The following RYR2 variants were observed in gnomAD, a reference collection of about 807,000 sequenced individuals.
The protein encoded by RYR2 is cardiac muscle ryanodine receptor-calcium release channel.
Under a neutral mutation model 601.1 loss-of-function variants are expected in RYR2, and 227 were observed. The ratio of observed to expected loss-of-function variants is 0.38; its 90% CI spans 0.34 to 0.42. The LOEUF (loss-of-function observed/expected upper bound fraction) is 0.42. RYR2 is among the 10% of genes least tolerant of loss of function. The pLI, the probability that RYR2 is intolerant of heterozygous loss-of-function variation, is 1.00. For synonymous variants in RYR2, 2,223 were observed against 2,175.1 expected (o/e 1.02, Z -0.61); for missense variants, 4,646 against 6,156.5 (o/e 0.75, Z 8.21).
intron 17 of RYR2, among the ~76,000 whole-genome samples, chr1:237,475,469 T>C (rs1183635828): frequency 6.6e-6 from 1 of 152,158 alleles, no homozygotes; most frequent in Non-Finnish European, 1.5e-5. Flanking sequence ...TATATTTACA[T>C]TTTTAAATAC....
chr1:237,224,706 A>G (rs977094479), intron 1 of RYR2, among the ~76,000 whole-genome samples: 1 of 151,954 alleles, frequency 6.6e-6, no homozygotes, highest in African/African-American at 2.4e-5. Context: ...AAAACATTTT[A>G]AAAAAAAGTT....
At chr1:237,216,140 T>G (rs534621713) in intron 1 of RYR2, among the ~76,000 whole-genome samples, 1 of 152,208 alleles carries the variant, frequency 6.6e-6, no homozygotes, top group African/African-American at 2.4e-5. Context: ...ATTAATCTAG[T>G]AAAATCATAT....
At chr1:237,195,670 TC>T (rs1680482725) in intron 1 of RYR2, among the ~76,000 whole-genome samples, 1 of 152,240 alleles carries the variant, frequency 6.6e-6, no homozygotes, top group African/African-American at 2.4e-5. Context: ...TTAACAAGTA[TC>T]ATATTTGGCA....
At chr1:237,533,572 C>T (rs528222327) in intron 25 of RYR2, among the ~76,000 whole-genome samples, 1 of 151,894 alleles carries the variant, frequency 6.6e-6, no homozygotes, top group East Asian at 1.9e-4. Context: ...AATAAAATCA[C>T]GGAATTATAA....
At chr1:237,188,015 C>T (rs532524257) in intron 1 of RYR2, among the ~76,000 whole-genome samples, 1 of 152,246 alleles carries the variant, frequency 6.6e-6, no homozygotes, top group African/African-American at 2.4e-5. Flanking sequence ...TCTCCTTGCC[C>T]AGATCACTAA....
rs1703225017 is a variant in RYR2, at chr1:237,400,235, T to C, written c.773+12052T>C. 3.3e-5 allele frequency among the ~76,000 whole-genome samples: 5 copies of C among 152,214 alleles called. No individual in the cohort carries two copies. The South Asian group carries it at 1.0e-3, about 32-fold the overall frequency. On this transcript the variant is annotated intron_variant, in intron 10 of 104. Transcript: ENST00000366574. The stretch of plus-strand genomic sequence containing the variant: ...CTGCACATGACCAGAGTGATCTCAA[T>C]TTTTTAAGGCATTCATAGAGACTGG...
intron 1 of RYR2, among the ~76,000 whole-genome samples, chr1:237,135,693 CTG>C (rs1350419105): frequency 6.6e-6 from 1 of 152,084 alleles, no homozygotes; most frequent in Non-Finnish European, 1.5e-5. Flanking sequence ...TTGGTTTTAA[CTG>C]TGTGTATTTT....
chr1:237,308,324 G>A (rs955653742), intron 2 of RYR2, among the ~76,000 whole-genome samples: 3 of 152,170 alleles, frequency 2.0e-5, no homozygotes, highest in Non-Finnish European at 2.9e-5. Flanking sequence ...GGGTGGACAC[G>A]TTCCTCCTCT....
intron 2 of RYR2, among the ~76,000 whole-genome samples, chr1:237,279,008 T>C (rs944415134): frequency 6.6e-6 from 1 of 152,190 alleles, no homozygotes; most frequent in South Asian, 2.1e-4. Flanking sequence ...TGGTGTTCAG[T>C]GGTTACAGTC....
rs531328520 is a variant in RYR2, at chr1:237,213,124, A to T, written c.49-57373A>T. The stretch of plus-strand genomic sequence containing the variant: ...ACTTGCCATTCCAGTAGTTTTTTTA[A>T]AAAAAGCAAAAAACCCCAAAACCTA... On this transcript the variant is annotated intron_variant, in intron 1 of 104. Transcript: ENST00000366574. Among the ~76,000 whole-genome samples, 15 of 151,870 alleles carry T rather than the reference A, an allele frequency of 9.9e-5. No individual in the cohort carries two copies. In the South Asian group the frequency reaches 2.5e-3, roughly 25 times the overall value.
intron 1 of RYR2, among the ~76,000 whole-genome samples, chr1:237,170,112 G>C (rs1677187987): frequency 6.6e-6 from 1 of 152,080 alleles, no homozygotes; most frequent in Non-Finnish European, 1.5e-5. Flanking sequence ...GCAGCATTTT[G>C]TTGTAAAGAA....
chr1:237,561,637 A>G (rs2779392), intron 27 of RYR2, among the ~76,000 whole-genome samples: 125,992 of 152,088 alleles, frequency 0.83, 53,679 homozygotes, highest in South Asian at 0.92. Context: ...GAGAGAACAG[A>G]CATAGATGAA....
intron 81 of RYR2, 62 bp downstream of exon 81, chr1:237,756,449 G>T: frequency 9.1e-7 from 1 of 1,093,828 alleles, no homozygotes. Flanking sequence ...TTGCTCTCAA[G>T]GTCCTCCCTC....
intron 1 of RYR2, among the ~76,000 whole-genome samples, chr1:237,083,135 T>C (rs1665933618): frequency 6.6e-6 from 1 of 152,184 alleles, no homozygotes. Flanking sequence ...GTTACCCTTT[T>C]CAACATTCAT....
chr1:237,645,105 A>C (rs938822426), intron 48 of RYR2, among the ~76,000 whole-genome samples: 2 of 152,194 alleles, frequency 1.3e-5, no homozygotes, highest in African/African-American at 4.8e-5. Context: ...TTCATTAATT[A>C]TGCCCCTAGA....
intron 1 of RYR2, among the ~76,000 whole-genome samples, chr1:237,145,484 T>C (rs1673908064): frequency 6.6e-6 from 1 of 152,218 alleles, no homozygotes; most frequent in Non-Finnish European, 1.5e-5. Flanking sequence ...TGGCGCCATA[T>C]GCAAGAGTTT....
chr1:237,443,801 G>A (rs902502799), intron 13 of RYR2, among the ~76,000 whole-genome samples: 5 of 152,104 alleles, frequency 3.3e-5, no homozygotes, highest in African/African-American at 1.2e-4. Context: ...ACGGAAACAG[G>A]TGATGTGCTG....
intron 1 of RYR2, among the ~76,000 whole-genome samples, chr1:237,240,473 G>A (rs973319195): frequency 9.2e-5 from 14 of 151,782 alleles, no homozygotes; most frequent in African/African-American, 3.4e-4. Context: ...ACTGTTCATG[G>A]TCCTGTTTCT....
intron 2 of RYR2, among the ~76,000 whole-genome samples, chr1:237,293,470 G>A (rs1186839976): frequency 1.3e-5 from 2 of 152,120 alleles, no homozygotes; most frequent in Non-Finnish European, 2.9e-5. Context: ...GCCTTCCAAA[G>A]TTCTGAGATT....
Sources: allele counts gnomAD v4.1 joint callset (sites outside exome capture counted in the v4.1 genomes callset), GRCh38; gene constraint gnomAD v4.1.1; transcripts MANE v1.5; gene names NCBI Gene and HGNC (gene_info 2026-07-23, HGNC 2026-07-21).